Variants in DLG2 observed in about 807,000 individuals in gnomAD.
DLG2 encodes discs large MAGUK scaffold protein 2.
A neutral mutation model predicts 132.5 loss-of-function variants in DLG2; 45 were observed. That is an observed-to-expected ratio of 0.34 (90% CI 0.27 to 0.44). DLG2 has a LOEUF of 0.44. DLG2 is among the 20% of genes least tolerant of loss of function. The pLI is 1.00. For synonymous variants in DLG2, 424 were observed against 419.6 expected (o/e 1.01, Z -0.13); for missense variants, 1,045 against 1,196.9 (o/e 0.87, Z 1.87).
In DLG2 at chr11:84,909,360, C is replaced by T. The variant is rs1248942544; in HGVS notation, c.357+202301G>A. On this transcript the variant is annotated intron_variant, in intron 6 of 27. Coordinates refer to ENST00000376104, the MANE Select transcript of DLG2 (RefSeq NM_001142699.3). Reference sequence around the variant, plus strand: ...CTCTCAGAAAGAAAAGTCTGCAGTTCTGGAAGACAGAATTGTGTGTATAGA... The same window carrying T: ...CTCTCAGAAAGAAAAGTCTGCAGTTTTGGAAGACAGAATTGTGTGTATAGA... 6.6e-5 allele frequency among the ~76,000 whole-genome samples: 10 copies of T among 152,206 alleles called. No homozygotes were observed. In the East Asian group the frequency reaches 1.9e-3, roughly 29 times the overall value.
chr11:84,845,045 A>G (rs1013069090), intron 6 of DLG2, among the ~76,000 whole-genome samples: 2 of 152,142 alleles, frequency 1.3e-5, no homozygotes, highest in African/African-American at 4.8e-5. Flanking sequence ...AGAGTTAATC[A>G]AACAGCAATG....
intron 6 of DLG2, among the ~76,000 whole-genome samples, chr11:84,661,756 G>A (rs1199528795): frequency 6.6e-6 from 1 of 152,056 alleles, no homozygotes; most frequent in Non-Finnish European, 1.5e-5. Flanking sequence ...TGAGAGAGAT[G>A]TCCCTCATTC....
intron 6 of DLG2, among the ~76,000 whole-genome samples, chr11:84,618,037 C>T (rs1370337278): frequency 6.6e-6 from 1 of 152,026 alleles, no homozygotes; most frequent in Non-Finnish European, 1.5e-5. Flanking sequence ...AGGAAGTGAT[C>T]TGTGCACTGA....
At chr11:84,893,823 A>G (rs2089805354) in intron 6 of DLG2, among the ~76,000 whole-genome samples, 1 of 152,188 alleles carries the variant, frequency 6.6e-6, no homozygotes, top group African/African-American at 2.4e-5. Flanking sequence ...GTGATTGTAT[A>G]GTCAATTAAT....
At chr11:84,411,452 A>G (rs2098902795) in intron 7 of DLG2, among the ~76,000 whole-genome samples, 1 of 152,208 alleles carries the variant, frequency 6.6e-6, no homozygotes, top group Non-Finnish European at 1.5e-5. Flanking sequence ...GTAAAATTGA[A>G]ATCAATGGAC....
chr11:84,438,679 G>A (rs1418874496), intron 7 of DLG2, among the ~76,000 whole-genome samples: 2 of 152,106 alleles, frequency 1.3e-5, no homozygotes, highest in African/African-American at 4.8e-5. Flanking sequence ...TTTAAGATAA[G>A]GTCAATGCTA....
At chr11:84,163,927 T>C (rs1277556435) in intron 8 of DLG2, among the ~76,000 whole-genome samples, 1 of 152,180 alleles carries the variant, frequency 6.6e-6, no homozygotes, top group Admixed American at 6.5e-5. Flanking sequence ...CAGAACAACA[T>C]TGTTCCATTT....
chr11:85,067,842 C>G (rs926462638), intron 6 of DLG2, among the ~76,000 whole-genome samples: 1 of 151,826 alleles, frequency 6.6e-6, no homozygotes, highest in Non-Finnish European at 1.5e-5. Flanking sequence ...GGGAGAGACA[C>G]AACAAAAAAA....
At chr11:84,830,452 GAGAA>G (rs1249512710) in intron 6 of DLG2, among the ~76,000 whole-genome samples, 1 of 151,156 alleles carries the variant, frequency 6.6e-6, no homozygotes, top group African/African-American at 2.4e-5. Context: ...GAGGTGAAGT[GAGAA>G]AGAGTGAAAA....
At chr11:84,891,268 G>T (rs1157643056) in intron 6 of DLG2, among the ~76,000 whole-genome samples, 1 of 152,146 alleles carries the variant, frequency 6.6e-6, no homozygotes, top group Non-Finnish European at 1.5e-5. Flanking sequence ...ATTAGAAAAA[G>T]AATGGAAGGA....
intron 18 of DLG2, among the ~76,000 whole-genome samples, chr11:83,712,052 C>T (rs1395188428): frequency 1.3e-5 from 2 of 152,090 alleles, no homozygotes; most frequent in Non-Finnish European, 2.9e-5. Context: ...TGCATTTACA[C>T]TGTTGGTGGG....
chr11:84,730,518 T>A (rs1326741228), intron 6 of DLG2, among the ~76,000 whole-genome samples: 1 of 152,058 alleles, frequency 6.6e-6, no homozygotes, highest in Non-Finnish European at 1.5e-5. Context: ...CTAATTCTAT[T>A]TTTATATTGT....
At chr11:84,274,935 G>A (rs2097770278) in intron 7 of DLG2, among the ~76,000 whole-genome samples, 1 of 152,036 alleles carries the variant, frequency 6.6e-6, no homozygotes, top group South Asian at 2.1e-4. Flanking sequence ...CCAGCCACAT[G>A]CTTCTTCTCC....
chr11:84,177,563 G>A (rs565988512), intron 8 of DLG2, among the ~76,000 whole-genome samples: 52 of 152,068 alleles, frequency 3.4e-4, no homozygotes, highest in Non-Finnish European at 4.4e-4. Flanking sequence ...AATAAATTAC[G>A]ATACTACTTA....
chr11:85,221,836 T>A (rs1045788945), intron 4 of DLG2, among the ~76,000 whole-genome samples: 1 of 152,224 alleles, frequency 6.6e-6, no homozygotes, highest in African/African-American at 2.4e-5. Flanking sequence ...CTCTGGACTC[T>A]AGCACCTATT....
intron 6 of DLG2, among the ~76,000 whole-genome samples, chr11:84,712,846 T>C (rs17808154): frequency 0.074 from 11,200 of 152,186 alleles, 522 homozygotes; most frequent in Middle Eastern, 0.11. Context: ...AAACTTCTAG[T>C]TCAGAGTTAG....
chr11:85,283,378 G>C (rs1468397848), intron 4 of DLG2, among the ~76,000 whole-genome samples: 1 of 149,804 alleles, frequency 6.7e-6, no homozygotes, highest in East Asian at 1.9e-4. Context: ...ATAAAGCAAA[G>C]AAGAAAGAAT....
intron 7 of DLG2, among the ~76,000 whole-genome samples, chr11:84,481,377 G>T (rs529606800): frequency 5.9e-4 from 90 of 152,154 alleles, no homozygotes; most frequent in South Asian, 3.1e-3. Flanking sequence ...GAGGCCTCTT[G>T]CCCAGAGTTC....
chr11:83,912,587 G>A (rs905812986), intron 15 of DLG2, among the ~76,000 whole-genome samples: 20 of 151,980 alleles, frequency 1.3e-4, no homozygotes, highest in South Asian at 1.0e-3. Context: ...TAAATGAAGC[G>A]CGTTAACATA....
Sources: allele counts gnomAD v4.1 joint callset (sites outside exome capture counted in the v4.1 genomes callset), GRCh38; gene constraint gnomAD v4.1.1; transcripts MANE v1.5; gene names NCBI Gene and HGNC (gene_info 2026-07-23, HGNC 2026-07-21).